Variants in C17orf58 observed in about 807,000 individuals in gnomAD.
C17orf58 encodes the protein UPF0450 protein C17orf58.
C17orf58 carries 5 observed loss-of-function variants against 7.4 expected under a neutral mutation model. That is an observed-to-expected ratio of 0.67 (90% CI 0.35 to 1.42). C17orf58 has a LOEUF of 1.42. Ranked by LOEUF, C17orf58 falls within the 40% of genes most tolerant of loss-of-function variation. The probability of loss-of-function intolerance (pLI) is 0.04; values close to 1 mark genes in which losing one functional copy is unlikely to be tolerated. For missense variants in C17orf58, 162 were observed against 174.2 expected, an observed-to-expected ratio of 0.93 and a Z score of 0.40; for synonymous variants, 60 against 70.6, an observed-to-expected ratio of 0.85 and a Z score of 0.75.
At chr17:67,992,853 A>T in intron 3 of C17orf58, 191 bp downstream of exon 3, 1 of 1,587,130 alleles carries the variant, frequency 6.3e-7, no homozygotes, top group Non-Finnish European at 8.6e-7. Context: ...CTCACCCTTG[A>T]GGGTGGGGGC....
rs1198218549 is a variant in C17orf58, at chr17:67,994,540, CAT to C, written c.77-558_77-557del. On this transcript the variant is annotated intron_variant, in intron 1 of 3. Coordinates refer to ENST00000580729, the MANE Select transcript of C17orf58 (RefSeq NM_001382359.1). ...TGTATATATATATATATATATAAAA[CAT>C]ATATAAACATCCGCCTCTTTGCTAT... Among the ~76,000 whole-genome samples, 72 of 49,242 alleles carry C rather than the reference CAT, an allele frequency of 1.5e-3. 1 individual carries two copies. In the East Asian group the frequency reaches 0.016, roughly 11 times the overall value. 32.3% of individuals were successfully genotyped at this position (49,242 alleles called of 152,430 possible). A position where few individuals can be genotyped will look rare whatever the true frequency, so the allele number is the denominator to read the frequency against.
At chr17:67,992,384 A>C (rs2070841800) in intron 3 of C17orf58, among the ~76,000 whole-genome samples, 1 of 152,008 alleles carries the variant, frequency 6.6e-6, no homozygotes, top group African/African-American at 2.4e-5. Flanking sequence ...CCTGGCCAAC[A>C]TGGTGAAACC....
At chr17:67,995,746 G>T (rs1450807406) in intron 1 of C17orf58, among the ~76,000 whole-genome samples, 3 of 152,188 alleles carry the variant, frequency 2.0e-5, no homozygotes, top group African/African-American at 7.2e-5. Context: ...TGCTCACCCA[G>T]TCGAGGGGGG....
chr17:67,993,639 G>T lies in C17orf58; in HGVS notation c.422C>A (p.Ala141Glu), dbSNP rs1473987069. ...ALRFPAARPP[A>E]LATEGSAGHA... ...GCCGGCGGAGCCCTCGGTGGCGAGC[G>T]CGGGCGGCCGGGCGGCGGGGAAGCG... Residue 141 changes from alanine to glutamate, a missense_variant, in exon 2 of 4, where the codon GCG becomes GAG. By Grantham distance (107) the Ala-to-Glu change is moderately radical. Coordinates refer to ENST00000580729, the MANE Select transcript of C17orf58 (RefSeq NM_001382359.1). This position sits in a 1 kb window ranked among gnomAD's most constrained non-coding sequence, Gnocchi z 5.1. 6.9e-6 allele frequency: 1 copy of T among 144,820 alleles called. No homozygotes were observed. The highest frequency in any genetic ancestry group is 1.5e-5 in the Non-Finnish European group (1 of 65,150). The allele number at this position is 144,820 out of a possible 1,614,324, so 9.0% of individuals were successfully genotyped here. A position where few individuals can be genotyped will look rare whatever the true frequency, so the allele number is the denominator to read the frequency against.
At chr17:67,994,535 TAAAAC>T (rs2070876387) in intron 1 of C17orf58, among the ~76,000 whole-genome samples, 14 of 100,228 alleles carry the variant, frequency 1.4e-4, no homozygotes, top group Admixed American at 3.1e-4. Context: ...TATATATATA[TAAAAC>T]ATATATAAAC....
chr17:67,993,198 G>T lies in C17orf58; in HGVS notation c.675C>A (p.Gly225=). The T allele has an allele frequency of 6.2e-7, 1 of 1,609,334 alleles. No homozygotes were observed. The highest frequency in any genetic ancestry group is 8.5e-7 in the Non-Finnish European group (1 of 1,177,270). The stretch of plus-strand genomic sequence containing the variant: ...GCAGGGTCACCAGCCGGATGCCCGC[G>T]CCCAGCACGTCCACATCGTGCACGA... The part of the protein sequence containing the change: ...NGIVHDVDVL[G]AGIRLVTLLV... The change falls in exon 3 of 4, where the codon GGC becomes GGA. Residue 225 remains glycine, a synonymous_variant. Transcript: ENST00000580729. The surrounding 1 kb of genome is among the most constrained non-coding windows in gnomAD (Gnocchi z 5.1).
At chr17:67,994,504 G>GTATA (rs1430500248) in intron 1 of C17orf58, among the ~76,000 whole-genome samples, 3 of 15,498 alleles carry the variant, frequency 1.9e-4, no homozygotes, top group Middle Eastern at 0.038. Flanking sequence ...GTGTGTGTGT[G>GTATA]TGTGTGTGTG....
At chr17:67,992,760 CT>C in intron 3 of C17orf58, 1 of 1,138,374 alleles carries the variant, frequency 8.8e-7, no homozygotes, top group Non-Finnish European at 1.2e-6. Flanking sequence ...TGTACAGTCC[CT>C]TCTGGCAATG....
chr17:67,993,276 G>T lies in C17orf58; in HGVS notation c.638-41C>A. ...AGTTTGGAGAAGAGCATTACCCCGA[G>T]TTCCTCTCCCAGTCCCCCAGGAGGT... is the stretch of plus-strand genomic sequence containing the variant. On this transcript the variant is annotated intron_variant, in intron 2 of 3. Coordinates refer to ENST00000580729, the MANE Select transcript of C17orf58 (RefSeq NM_001382359.1). The surrounding 1 kb of genome is among the most constrained non-coding windows in gnomAD (Gnocchi z 5.1). 7.8e-7 allele frequency: 1 copy of T among 1,274,016 alleles called. No homozygotes were observed. Among genetic ancestry groups the T allele is most frequent in the Non-Finnish European group, 1.1e-6 (1 of 917,598 alleles). 78.9% of individuals were successfully genotyped at this position (1,274,016 alleles called of 1,614,324 possible). A position where few individuals can be genotyped will look rare whatever the true frequency, so the allele number is the denominator to read the frequency against.
At chr17:67,992,778 G>C in intron 3 of C17orf58, 3 of 1,229,860 alleles carry the variant, frequency 2.4e-6, no homozygotes, top group Admixed American at 5.1e-5. Flanking sequence ...AATGGTGTTT[G>C]GTCGTCCACC....
intron 1 of C17orf58, among the ~76,000 whole-genome samples, chr17:67,994,516 G>GTGTGTGTATATATATATATATA (rs1244199425): frequency 5.6e-5 from 5 of 89,542 alleles, no homozygotes; most frequent in African/African-American, 1.5e-4. Flanking sequence ...GTGTGTGTGT[G>GTGTGTGTATATATATATATATA]TATATATATA....
Position 67,996,335 on chromosome 17 carries a change from C to T in C17orf58, c.-137G>A, listed in dbSNP as rs2070891266. ...CCTTTGGGGAAACGGGAATCACTCGCTGAGCAGACCATTGGAACAAAACCG... is the reference window on the plus strand; with the variant it reads ...CCTTTGGGGAAACGGGAATCACTCGTTGAGCAGACCATTGGAACAAAACCG... On this transcript the variant is annotated 5_prime_UTR_variant, in exon 1 of 4. Transcript: ENST00000580729. 2.5e-6 allele frequency: 1 copy of T among 394,036 alleles called. No individual in the cohort carries two copies. Among genetic ancestry groups the T allele is most frequent in the Non-Finnish European group, 4.5e-6 (1 of 223,794 alleles). The allele number at this position is 394,036 out of a possible 1,614,324, so 24.4% of individuals were successfully genotyped here.
At chr17:67,994,870 G>C (rs1555699677) in intron 1 of C17orf58, among the ~76,000 whole-genome samples, 1 of 152,026 alleles carries the variant, frequency 6.6e-6, no homozygotes, top group Non-Finnish European at 1.5e-5. Context: ...CCCATTAGAT[G>C]ATGGAGGAAA....
At position 67,992,129 on chromosome 17, in the gene C17orf58, T is replaced by G. The variant is rs782612221; in HGVS notation, c.830-26A>C. ...CTGGACAAAATAACCAGAACATTAA[T>G]TCATAGTGTCTTTTAAATGCCATGA... On this transcript the variant is annotated intron_variant, in intron 3 of 3. Coordinates refer to ENST00000580729, the MANE Select transcript of C17orf58 (RefSeq NM_001382359.1). 3.3e-6 allele frequency: 5 copies of G among 1,518,348 alleles called. No homozygotes were observed. In the South Asian group the frequency reaches 5.3e-5, roughly 16 times the overall value. 94.1% of individuals were successfully genotyped at this position (1,518,348 alleles called of 1,614,324 possible).
Position 67,996,440 on chromosome 17 carries a change from C to T in C17orf58, c.-242G>A, listed in dbSNP as rs1312604685. The T allele has an allele frequency of 1.2e-5, 4 of 334,378 alleles. No homozygotes were observed. The highest frequency in any genetic ancestry group is 2.1e-5 in the Non-Finnish European group (4 of 186,390). The allele number at this position is 334,378 out of a possible 1,614,324, so 20.7% of individuals were successfully genotyped here. Reference sequence around the variant, plus strand: ...CAAAGTTGTCCCCGGGAATGTCTGTCCTGTGATCTGCGGGCGAGGAGAGCA... The same window carrying T: ...CAAAGTTGTCCCCGGGAATGTCTGTTCTGTGATCTGCGGGCGAGGAGAGCA... On this transcript the variant is annotated 5_prime_UTR_variant, in exon 1 of 4. Coordinates refer to ENST00000580729, the MANE Select transcript of C17orf58 (RefSeq NM_001382359.1).
chr17:67,992,051 A>G lies in C17orf58; in HGVS notation c.882T>C (p.Pro294=), dbSNP rs2070838257. 6.2e-7 allele frequency: 1 copy of G among 1,611,030 alleles called. No homozygotes were observed. The highest frequency in any genetic ancestry group is 2.2e-5 in the East Asian group (1 of 44,836). ...CTCTCAGGACCTGGAGCAGAGCTGTAGGGAGCTGCCGTCTCTTATGGTAGA... is the reference window on the plus strand; with the variant it reads ...CTCTCAGGACCTGGAGCAGAGCTGTGGGGAGCTGCCGTCTCTTATGGTAGA... ...GHIYHKRRQL[P]TALLQVLRGR... is the part of the protein sequence containing the mutation. Residue 294 remains proline, a synonymous_variant, in exon 4 of 4, where the codon CCT becomes CCC. Coordinates refer to ENST00000580729, the MANE Select transcript of C17orf58 (RefSeq NM_001382359.1).
intron 3 of C17orf58, 82 bp downstream of exon 3, chr17:67,992,962 C>T (rs2070849893): frequency 6.2e-7 from 1 of 1,614,196 alleles, no homozygotes; most frequent in African/African-American, 1.3e-5. Context: ...GGCTGGGCGA[C>T]CTACAGCCCG....
rs1461180592 is a variant in C17orf58, at chr17:67,993,407, G to GCGGCGGCC, written c.637+9_637+16dup. Reference sequence around the variant, plus strand: ...GCTCGCGGGGCGGCGGGGCGGCGGCGCGGCGGCCGGGCTCACCGAATTCGC... The same window carrying GCGGCGGCC: ...GCTCGCGGGGCGGCGGGGCGGCGGCGCGGCGGCCCGGCGGCCGGGCTCACCGAATTCGC... On this transcript the variant is annotated intron_variant, in intron 2 of 3. Transcript: ENST00000580729. The surrounding 1 kb of genome is among the most constrained non-coding windows in gnomAD (Gnocchi z 5.1). The GCGGCGGCC allele has an allele frequency of 4.2e-5, 24 of 573,764 alleles. No individual in the cohort carries two copies. Among genetic ancestry groups the GCGGCGGCC allele is most frequent in the Non-Finnish European group, 6.7e-5 (22 of 326,724 alleles). 35.5% of individuals were successfully genotyped at this position (573,764 alleles called of 1,614,324 possible). A position where few individuals can be genotyped will look rare whatever the true frequency, so the allele number is the denominator to read the frequency against.
Position 67,993,042 on chromosome 17 carries a change from A to C in C17orf58, c.829+2T>G. The C allele has an allele frequency of 6.2e-7, 1 of 1,614,122 alleles. No homozygotes were observed. Among genetic ancestry groups the C allele is most frequent in the Non-Finnish European group, 8.5e-7 (1 of 1,180,004 alleles). ...CAGCGTCATTCAGGTCAGTTTCAAT[A>C]CCAGGTTTAAACTCTGGACACGGCT... is the stretch of plus-strand genomic sequence containing the variant. On this transcript the variant is annotated splice_donor_variant, in intron 3 of 3. Transcript: ENST00000580729. LOFTEE classifies it high-confidence loss of function. This position sits in a 1 kb window ranked among gnomAD's most constrained non-coding sequence, Gnocchi z 5.1.
Sources: gnomAD v4.1 joint callset for allele counts (sites outside exome capture counted in the v4.1 genomes callset) on GRCh38, gnomAD v4.1.1 for gene constraint, Gnocchi (gnomAD v3.1) non-coding constraint, MANE v1.5 for transcripts, NCBI Gene and HGNC (gene_info 2026-07-23, HGNC 2026-07-21) for gene names.